Variants in ANKFN1 observed in about 807,000 individuals in gnomAD.
ANKFN1 encodes the protein ankyrin repeat and fibronectin type-III domain-containing protein 1.
In ANKFN1, 74 loss-of-function variants were observed where a neutral mutation model predicts 108.7. The observed-to-expected ratio is 0.68, with a 90% CI of 0.56 to 0.83. ANKFN1 has a LOEUF of 0.83. Ranked by LOEUF, ANKFN1 falls within the 40% of genes least tolerant of loss-of-function variation. ANKFN1 has a pLI of 0.00. For synonymous variants in ANKFN1, 547 were observed against 516.2 expected, an observed-to-expected ratio of 1.06 and a Z score of -0.81; for missense variants, 1,505 against 1,382.3, an observed-to-expected ratio of 1.09 and a Z score of -1.41.
chr17:56,089,960 A>G (rs1026034887), intron 4 of ANKFN1, among the ~76,000 whole-genome samples: 2 of 151,506 alleles, frequency 1.3e-5, no homozygotes, highest in Non-Finnish European at 2.9e-5. Context: ...TATATGCAAT[A>G]TGAAAGGGAA....
chr17:56,102,578 G>A (rs1240268675), intron 4 of ANKFN1, among the ~76,000 whole-genome samples: 1 of 151,718 alleles, frequency 6.6e-6, no homozygotes, highest in Non-Finnish European at 1.5e-5. Context: ...ACAGGGACAA[G>A]CATTAGAATC....
At chr17:56,496,794 G>A (rs983512060) in intron 19 of ANKFN1, among the ~76,000 whole-genome samples, 33 of 152,084 alleles carry the variant, frequency 2.2e-4, no homozygotes, top group African/African-American at 7.7e-4. Context: ...ACAGGTTCTG[G>A]AGCTTAAGAT....
upstream of ANKFN1, among the ~76,000 whole-genome samples, chr17:56,150,082 G>C (rs1042066897): frequency 6.6e-6 from 1 of 152,126 alleles, no homozygotes; most frequent in Non-Finnish European, 1.5e-5. Flanking sequence ...TTCTACGTAA[G>C]TTTTTTGGCC....
chr17:56,406,665 A>T (rs1158696643), intron 8 of ANKFN1, among the ~76,000 whole-genome samples: 1 of 152,188 alleles, frequency 6.6e-6, no homozygotes, highest in Non-Finnish European at 1.5e-5. Flanking sequence ...TTGCGACTCC[A>T]GGATTAGGTC....
chr17:56,311,637 G>A (rs187966517), intron 3 of ANKFN1, among the ~76,000 whole-genome samples: 9 of 152,330 alleles, frequency 5.9e-5, no homozygotes, highest in Non-Finnish European at 5.9e-5. Flanking sequence ...GTCTACGTGG[G>A]TGGCTGTGAT....
chr17:56,170,843 C>CTT (rs1555604590), intron 1 of ANKFN1, among the ~76,000 whole-genome samples: 1 of 133,888 alleles, frequency 7.5e-6, no homozygotes, highest in Non-Finnish European at 1.6e-5. Flanking sequence ...CATATACACA[C>CTT]ATATATATAT....
At chr17:56,362,974 G>C (rs540681192) in intron 6 of ANKFN1, among the ~76,000 whole-genome samples, 11 of 152,270 alleles carry the variant, frequency 7.2e-5, no homozygotes, top group Middle Eastern at 6.8e-3. Context: ...ACTTTGGGAG[G>C]CCAAGGCGGG....
chr17:56,075,939 G>A (rs1434144148), intron 4 of ANKFN1, among the ~76,000 whole-genome samples: 2 of 152,144 alleles, frequency 1.3e-5, no homozygotes, highest in African/African-American at 4.8e-5. Flanking sequence ...CGACAAGACT[G>A]AGAGGCTTGA....
At chr17:56,154,839 C>A (rs1267797308) in intron 1 of ANKFN1, among the ~76,000 whole-genome samples, 2 of 152,058 alleles carry the variant, frequency 1.3e-5, no homozygotes, top group African/African-American at 2.4e-5. Flanking sequence ...ACCATTTGTT[C>A]CATGAAGTGT....
chr17:56,217,451 T>C (rs990071907), intron 2 of ANKFN1, among the ~76,000 whole-genome samples: 5 of 152,204 alleles, frequency 3.3e-5, no homozygotes, highest in Non-Finnish European at 7.3e-5. Context: ...GAGCAGTGGT[T>C]CTTAATTGAG....
rs2046226524 is a variant in ANKFN1, at chr17:56,350,808, T to G, written c.231T>G (p.His77Gln). The G allele has an allele frequency of 1.9e-6, 3 of 1,613,742 alleles. No individual in the cohort carries two copies. The highest frequency in any genetic ancestry group is 1.3e-5 in the African/African-American group (1 of 74,994). The part of the protein sequence containing the change: ...VKMTQQMQNL[H>Q]LCQSKKHSAP... ...TGACGCAACAAATGCAAAATTTACA[T>G]CTCTGTCAGTCAAAAAAACATAGTG... is the stretch of plus-strand genomic sequence containing the variant. The change falls in exon 5 of 21, where the codon CAT (histidine) becomes CAG (glutamine). Residue 77 changes from histidine (H) to glutamine (Q), a missense_variant. Transcript: ENST00000682825.
intron 3 of ANKFN1, among the ~76,000 whole-genome samples, chr17:56,287,713 G>A (rs538262165): frequency 6.6e-6 from 1 of 152,240 alleles, no homozygotes; most frequent in South Asian, 2.1e-4. Flanking sequence ...GCAAAATATT[G>A]TTCTTTTTCA....
At chr17:56,189,170 C>CA (rs1555607722) in intron 1 of ANKFN1, among the ~76,000 whole-genome samples, 49 of 85,262 alleles carry the variant, frequency 5.7e-4, no homozygotes, top group African/African-American at 2.6e-3. Flanking sequence ...GTTGCCCTGA[C>CA]TTTTTTTTTT....
chr17:56,059,940 A>G (rs1904944078), intron 4 of ANKFN1, among the ~76,000 whole-genome samples: 1 of 152,100 alleles, frequency 6.6e-6, no homozygotes, highest in South Asian at 2.1e-4. Flanking sequence ...ATGAAATTTG[A>G]AGTGTTTTTT....
rs563287858 is a variant in ANKFN1 at position 56,478,084 on chromosome 17, C to T, written c.1940+430C>T. 3.3e-5 allele frequency among the ~76,000 whole-genome samples: 5 copies of T among 152,274 alleles called. No individual in the cohort carries two copies. In the South Asian group the frequency reaches 1.0e-3, roughly 32 times the overall value. Reference sequence around the variant, plus strand: ...TCAGGTGATCCATTTGCCTCAGCCTCCCAAAGTGCTGGGATTACAGGCATG... The same window carrying T: ...TCAGGTGATCCATTTGCCTCAGCCTTCCAAAGTGCTGGGATTACAGGCATG... On this transcript the variant is annotated intron_variant, in intron 16 of 20. Transcript: ENST00000682825.
chr17:56,461,786 C>A (rs2049911804), intron 14 of ANKFN1, among the ~76,000 whole-genome samples: 1 of 152,190 alleles, frequency 6.6e-6, no homozygotes, highest in Admixed American at 6.5e-5. Flanking sequence ...GGTAGACACT[C>A]AGTAAGTACA....
intron 3 of ANKFN1, among the ~76,000 whole-genome samples, chr17:56,314,578 G>T (rs1191713981): frequency 6.6e-6 from 1 of 152,108 alleles, no homozygotes; most frequent in African/African-American, 2.4e-5. Flanking sequence ...TCTAGCATTT[G>T]CAGGGTGACT....
chr17:56,475,678 A>G (rs911846797), intron 15 of ANKFN1, among the ~76,000 whole-genome samples: 3 of 152,154 alleles, frequency 2.0e-5, no homozygotes, highest in Non-Finnish European at 1.5e-5. Context: ...GTTTTGATAT[A>G]TGTATACAAT....
At chr17:56,423,034 T>C (rs1390470653) in intron 8 of ANKFN1, among the ~76,000 whole-genome samples, 2 of 152,208 alleles carry the variant, frequency 1.3e-5, no homozygotes, top group African/African-American at 4.8e-5. Flanking sequence ...CAAACTTTTG[T>C]CAACACCATC....
Sources: allele counts gnomAD v4.1 joint callset (sites outside exome capture counted in the v4.1 genomes callset), GRCh38; gene constraint gnomAD v4.1.1; transcripts MANE v1.5; gene names NCBI Gene and HGNC (gene_info 2026-07-23, HGNC 2026-07-21).